TMEM132C: variants seen among roughly 807,000 people sequenced by gnomAD.
TMEM132C encodes the protein transmembrane protein 132C, also known as protein phosphatase 1, regulatory subunit 152.
Under a neutral mutation model 61.4 loss-of-function variants are expected in TMEM132C, and 29 were observed. The ratio of observed to expected loss-of-function variants is 0.47; its 90% CI spans 0.35 to 0.64. The LOEUF (loss-of-function observed/expected upper bound fraction) is 0.64. Among genes scored for constraint, TMEM132C ranks in the 30% least tolerant of loss-of-function variants. The probability of loss-of-function intolerance (pLI) is 0.00; values close to 1 mark genes in which losing one functional copy is unlikely to be tolerated. For synonymous variants in TMEM132C, 656 were observed against 633.1 expected (o/e 1.04, Z -0.54); for missense variants, 1,408 against 1,476.9 (o/e 0.95, Z 0.76).
At chr12:128,657,035 C>T (rs142907895) in intron 4 of TMEM132C, among the ~76,000 whole-genome samples, 40 of 152,250 alleles carry the variant, frequency 2.6e-4, no homozygotes, top group African/African-American at 4.6e-4. Context: ...AGAAACCAGA[C>T]GTGTGTTTCC....
At chr12:128,431,267 T>C (rs1186374900) in intron 2 of TMEM132C, among the ~76,000 whole-genome samples, 1 of 152,208 alleles carries the variant, frequency 6.6e-6, no homozygotes, top group Non-Finnish European at 1.5e-5. Context: ...AGCATGGCTC[T>C]AGTTCTGTGA....
At chr12:128,544,657 G>A (rs146597293) in intron 3 of TMEM132C, among the ~76,000 whole-genome samples, 2 of 152,280 alleles carry the variant, frequency 1.3e-5, no homozygotes, top group African/African-American at 4.8e-5. Flanking sequence ...GGGGAATCAT[G>A]TGCCAATATC....
At chr12:128,379,213 T>G (rs555663102) in intron 1 of TMEM132C, among the ~76,000 whole-genome samples, 1 of 152,304 alleles carries the variant, frequency 6.6e-6, no homozygotes, top group East Asian at 1.9e-4. Context: ...TTATGGTTGG[T>G]CAGTGAAAGG....
intron 1 of TMEM132C, among the ~76,000 whole-genome samples, chr12:128,345,123 T>C (rs1038258824): frequency 2.6e-5 from 4 of 152,042 alleles, no homozygotes; most frequent in Non-Finnish European, 4.4e-5. Flanking sequence ...ATTCTCATGA[T>C]TTAGCTCCCA....
At chr12:128,661,708 T>C (rs1412147260) in intron 4 of TMEM132C, among the ~76,000 whole-genome samples, 1 of 152,214 alleles carries the variant, frequency 6.6e-6, no homozygotes, top group Non-Finnish European at 1.5e-5. Flanking sequence ...TTAGTCAGTT[T>C]TGAGACAAAT....
chr12:128,291,175 C>T (rs1410614166), intron 1 of TMEM132C, among the ~76,000 whole-genome samples: 1 of 152,208 alleles, frequency 6.6e-6, no homozygotes, highest in Non-Finnish European at 1.5e-5. Flanking sequence ...GCAAGGCGAT[C>T]CCAGAATTCC....
At chr12:128,332,259 A>G (rs983486578) in intron 1 of TMEM132C, among the ~76,000 whole-genome samples, 7 of 152,230 alleles carry the variant, frequency 4.6e-5, no homozygotes, top group African/African-American at 1.4e-4. Context: ...TTCTGGGAAG[A>G]TGGAGAAAGG....
At chr12:128,689,391 GAAA>G (rs1954702311) in intron 5 of TMEM132C, among the ~76,000 whole-genome samples, 1 of 152,110 alleles carries the variant, frequency 6.6e-6, no homozygotes, top group Admixed American at 6.5e-5. Context: ...TGAGCTCAAA[GAAA>G]AAGAAAGAAA....
chr12:128,513,434 GC>G (rs1279749320), intron 2 of TMEM132C, among the ~76,000 whole-genome samples: 1 of 152,154 alleles, frequency 6.6e-6, no homozygotes, highest in Non-Finnish European at 1.5e-5. Flanking sequence ...TAATTCCTTT[GC>G]CCTGCCCTCG....
chr12:128,442,586 TAAA>T (rs534900599), intron 2 of TMEM132C, among the ~76,000 whole-genome samples: 12 of 140,746 alleles, frequency 8.5e-5, no homozygotes, highest in African/African-American at 2.9e-4. Flanking sequence ...GTCAGTGTTT[TAAA>T]AAAAAAAAAA....
intron 2 of TMEM132C, among the ~76,000 whole-genome samples, chr12:128,429,901 G>T (rs34874092): frequency 6.6e-6 from 1 of 151,968 alleles, no homozygotes; most frequent in Admixed American, 6.6e-5. Flanking sequence ...ATCTCAGATG[G>T]GAGAGCTAAA....
chr12:128,644,915 G>A (rs1280205055), intron 4 of TMEM132C, among the ~76,000 whole-genome samples: 1 of 152,130 alleles, frequency 6.6e-6, no homozygotes, highest in Non-Finnish European at 1.5e-5. Context: ...ACAAGAGGGC[G>A]GTGCCATCTA....
At chr12:128,386,185 G>A (rs1288450650) in intron 1 of TMEM132C, among the ~76,000 whole-genome samples, 1 of 152,154 alleles carries the variant, frequency 6.6e-6, no homozygotes, top group Admixed American at 6.5e-5. Context: ...ATCAGAGGTG[G>A]CCTTTTATTC....
intron 2 of TMEM132C, among the ~76,000 whole-genome samples, chr12:128,472,715 C>A (rs2136082066): frequency 6.6e-6 from 1 of 152,310 alleles, no homozygotes; most frequent in South Asian, 2.1e-4. Flanking sequence ...CAAAGGACCT[C>A]AAACATCTGG....
chr12:128,372,213 G>A (rs865805648), intron 1 of TMEM132C, among the ~76,000 whole-genome samples: 3 of 152,214 alleles, frequency 2.0e-5, no homozygotes, highest in South Asian at 2.1e-4. Context: ...CATTGAGTCC[G>A]TGGAGTTAGC....
At chr12:128,620,232 CAAAAAAA>C (rs386378194) in intron 4 of TMEM132C, among the ~76,000 whole-genome samples, 18 of 62,016 alleles carry the variant, frequency 2.9e-4, no homozygotes, top group Admixed American at 1.0e-3. Context: ...GACCCTGTCT[CAAAAAAA>C]AAAAAAAAAA....
At chr12:128,538,399 C>T (rs1297455349) in intron 2 of TMEM132C, among the ~76,000 whole-genome samples, 2 of 152,146 alleles carry the variant, frequency 1.3e-5, no homozygotes, top group African/African-American at 4.8e-5. Flanking sequence ...GCTGGGATTA[C>T]AGGCATGGGT....
chr12:128,705,694 A>G lies in TMEM132C; in HGVS notation c.2726A>G (p.Glu909Gly), dbSNP rs1432968666. The change falls in exon 9 of 9, where the codon GAG becomes GGG. Residue 909 changes from glutamate to glycine, a missense_variant. By Grantham distance (98) the Glu-to-Gly change is moderately conservative (BLOSUM62 -2). Coordinates refer to ENST00000435159, the MANE Select transcript of TMEM132C (RefSeq NM_001136103.3). ...VDLPKAGSGLEENDLVQTPRG... is the reference protein window; with the variant it reads ...VDLPKAGSGLGENDLVQTPRG... ...CTCCCCAAGGCCGGGAGTGGGCTGG[A>G]GGAAAACGACCTGGTGCAGACTCCG... 6 of 1,551,412 alleles carry G rather than the reference A, an allele frequency of 3.9e-6. No individual in the cohort carries two copies. Among genetic ancestry groups the G allele is most frequent in the Non-Finnish European group, 5.2e-6 (6 of 1,146,946 alleles).
At chr12:128,684,491 G>T (rs1176489820) in intron 5 of TMEM132C, among the ~76,000 whole-genome samples, 1 of 152,192 alleles carries the variant, frequency 6.6e-6, no homozygotes, top group African/African-American at 2.4e-5. Context: ...AGTGGGGCGG[G>T]CAACCAGCCA....
Sources: gnomAD v4.1 joint callset for allele counts (sites outside exome capture counted in the v4.1 genomes callset) on GRCh38, gnomAD v4.1.1 for gene constraint, MANE v1.5 for transcripts, NCBI Gene and HGNC (gene_info 2026-07-23, HGNC 2026-07-21) for gene names.